The following PLAGL1 variants were observed in gnomAD, a reference collection of about 807,000 sequenced individuals.
PLAGL1 encodes the protein PLAG1 like zinc finger 1.
PLAGL1 carries 1 observed loss-of-function variant against 4.6 expected under a neutral mutation model. That is an observed-to-expected ratio of 0.22 (90% CI 0.08 to 1.03). The LOEUF is 1.03. Among genes scored for constraint, PLAGL1 ranks in the 50% least tolerant of loss-of-function variants. The pLI, the probability that PLAGL1 is intolerant of heterozygous loss-of-function variation, is 0.58. For missense variants in PLAGL1, 464 were observed against 570.4 expected (o/e 0.81, Z 1.90); for synonymous variants, 240 against 237.8 (o/e 1.01, Z -0.08).
rs1783092105 is a variant in PLAGL1 at position 143,960,222 on chromosome 6, G to A, written c.-325+247C>T. The stretch of plus-strand genomic sequence containing the variant: ...TAGGCTGTGGATGTGGGACAGCAGA[G>A]GTCATGAAAAGTTGCTAACTGCATC... On this transcript the variant is annotated intron_variant, in intron 6 of 7. Transcript: ENST00000674357. This position sits in a 1 kb window ranked among gnomAD's most constrained non-coding sequence, Gnocchi z 5.7. Among the ~76,000 whole-genome samples the A allele has an allele frequency of 2.6e-5, 4 of 152,164 alleles. No individual in the cohort carries two copies. Among genetic ancestry groups the A allele is most frequent in the African/African-American group, 7.2e-5 (3 of 41,410 alleles).
At chr6:143,977,083 T>TCCCCCCCCCCCCCCCCCCCC (rs55975019) in intron 2 of PLAGL1, among the ~76,000 whole-genome samples, 1 of 136,918 alleles carries the variant, frequency 7.3e-6, no homozygotes, top group Non-Finnish European at 1.6e-5. Context: ...TATACTCCCT[T>TCCCCCCCCCCCCCCCCCCCC]CCCCCCCCCC....
Position 144,059,069 on chromosome 6 carries a change from A to G in PLAGL1, c.-151+5399T>C, listed in dbSNP as rs931127701. On this transcript the variant is annotated intron_variant, in intron 1 of 3. Transcript: ENST00000437412. This position sits in a 1 kb window ranked among gnomAD's most constrained non-coding sequence, Gnocchi z 4.9. The stretch of plus-strand genomic sequence containing the variant: ...ACTAGAGTTTCTCTTCAGGGTCTCC[A>G]CCCCTACAGCAGGCTTCTGCCTGTA... 2.0e-5 allele frequency among the ~76,000 whole-genome samples: 3 copies of G among 151,926 alleles called. No individual in the cohort carries two copies. Among genetic ancestry groups the G allele is most frequent in the Non-Finnish European group, 2.9e-5 (2 of 67,990 alleles).
intron 1 of PLAGL1, among the ~76,000 whole-genome samples, chr6:143,993,033 G>A (rs1790818752): frequency 6.7e-6 from 1 of 149,954 alleles, no homozygotes; most frequent in African/African-American, 2.5e-5. Flanking sequence ...AAACGGCCGG[G>A]TGCGGTGGCT....
intron 1 of PLAGL1, among the ~76,000 whole-genome samples, chr6:144,014,888 T>C (rs535794298): frequency 3.3e-5 from 5 of 152,278 alleles, no homozygotes; most frequent in Non-Finnish European, 5.9e-5. Context: ...CCTAGATCTA[T>C]TGGTATTTTG....
In PLAGL1 at chr6:143,978,316, TACAAATTTTGAAGC is replaced by T. The variant is rs1305810629; in HGVS notation, c.-544+6805_-544+6818del. 6.6e-6 allele frequency among the ~76,000 whole-genome samples: 1 copy of T among 152,180 alleles called. No homozygotes were observed. The highest frequency in any genetic ancestry group is 2.4e-5 in the African/African-American group (1 of 41,448). Reference sequence around the variant, plus strand: ...TCTTTTCTAATACATCATTTAATGCTACAAATTTTGAAGCACTGTTTCAGCTGTATCCCACATGG... The same window carrying T: ...TCTTTTCTAATACATCATTTAATGCTACTGTTTCAGCTGTATCCCACATGG... On this transcript the variant is annotated intron_variant, in intron 2 of 7. Coordinates refer to ENST00000674357, the MANE Select transcript of PLAGL1 (RefSeq NM_001317162.2). This position sits in a 1 kb window ranked among gnomAD's most constrained non-coding sequence, Gnocchi z 4.6.
At position 143,972,273 on chromosome 6, in the gene PLAGL1, G is replaced by A. The variant is rs1785561226; in HGVS notation, c.-543-3295C>T. ...ACAGCTGCTTTACTTCCAGCTAAAA[G>A]AATACACCTAAATAAAGAGCTACAG... is the stretch of plus-strand genomic sequence containing the variant. On this transcript the variant is annotated intron_variant, in intron 2 of 7. Coordinates refer to ENST00000674357, the MANE Select transcript of PLAGL1 (RefSeq NM_001317162.2). This position sits in a 1 kb window ranked among gnomAD's most constrained non-coding sequence, Gnocchi z 6.8. Among the ~76,000 whole-genome samples the A allele has an allele frequency of 6.6e-6, 1 of 152,162 alleles. No individual in the cohort carries two copies. The highest frequency in any genetic ancestry group is 1.5e-5 in the Non-Finnish European group (1 of 68,032).
At position 144,055,731 on chromosome 6, in the gene PLAGL1, T is replaced by C. The variant is rs1179035989; in HGVS notation, c.-151+8737A>G. ...CCACAGTTGTCAGAGATATAAATCATAACTACAGGTGCCTTTAGGAAAGTG... is the reference window on the plus strand; with the variant it reads ...CCACAGTTGTCAGAGATATAAATCACAACTACAGGTGCCTTTAGGAAAGTG... On this transcript the variant is annotated intron_variant, in intron 1 of 3. Transcript: ENST00000437412. This position sits in a 1 kb window ranked among gnomAD's most constrained non-coding sequence, Gnocchi z 5.0. Among the ~76,000 whole-genome samples the C allele has an allele frequency of 6.6e-5, 10 of 152,198 alleles. No individual in the cohort carries two copies. The highest frequency in any genetic ancestry group is 2.2e-4 in the African/African-American group (9 of 41,454).
rs1792661729 is a variant in PLAGL1, at chr6:144,000,679, T to A, written c.-584+7411A>T. ...TAAAACTCATATGGAATGGGAAAGG[T>A]CTAAAATTGCCAAACAATTCAGCAG... On this transcript the variant is annotated intron_variant, in intron 1 of 7. Transcript: ENST00000674357. The surrounding 1 kb of genome is among the most constrained non-coding windows in gnomAD (Gnocchi z 4.1). Among the ~76,000 whole-genome samples the A allele has an allele frequency of 6.6e-6, 1 of 152,100 alleles. No individual in the cohort carries two copies. The highest frequency in any genetic ancestry group is 2.1e-4 in the South Asian group (1 of 4,828).
chr6:143,988,634 A>C (rs1476282670), intron 1 of PLAGL1, among the ~76,000 whole-genome samples: 1 of 152,260 alleles, frequency 6.6e-6, no homozygotes, highest in Non-Finnish European at 1.5e-5. Context: ...TGTAATAACA[A>C]AGTGCCATAG....
In PLAGL1 at chr6:143,970,170, T is replaced by G. The variant is rs1785157842; in HGVS notation, c.-543-1192A>C. ...GTGCCTTGACCAAAAAGGCTGCTGT[T>G]GTATGTGTTTTTAAAATAACGAAAC... On this transcript the variant is annotated intron_variant, in intron 2 of 7. Coordinates refer to ENST00000674357, the MANE Select transcript of PLAGL1 (RefSeq NM_001317162.2). The surrounding 1 kb of genome is among the most constrained non-coding windows in gnomAD (Gnocchi z 5.8). Among the ~76,000 whole-genome samples the G allele has an allele frequency of 2.0e-5, 3 of 152,202 alleles. No homozygotes were observed. The highest frequency in any genetic ancestry group is 3.2e-3 in the Middle Eastern group (1 of 316).
chr6:143,983,916 G>A lies in PLAGL1; in HGVS notation c.-544+1219C>T, dbSNP rs957389459. On this transcript the variant is annotated intron_variant, in intron 2 of 7. Coordinates refer to ENST00000674357, the MANE Select transcript of PLAGL1 (RefSeq NM_001317162.2). This position sits in a 1 kb window ranked among gnomAD's most constrained non-coding sequence, Gnocchi z 6.6. ...GGAAGACAAGGTCATTGAAGGAGAG[G>A]AAATCAAGAAACCGAGAAGCCAGGC... Among the ~76,000 whole-genome samples, 4 of 152,032 alleles carry A rather than the reference G, an allele frequency of 2.6e-5. No individual in the cohort carries two copies. Among genetic ancestry groups the A allele is most frequent in the Non-Finnish European group, 5.9e-5 (4 of 68,008 alleles).
intron 1 of PLAGL1, among the ~76,000 whole-genome samples, chr6:144,024,272 G>A (rs1296819636): frequency 6.6e-6 from 1 of 152,142 alleles, no homozygotes; most frequent in Admixed American, 6.5e-5. Context: ...CATGCCCCTT[G>A]GAGAAAGCAT....
rs1308034651 is a variant in PLAGL1, at chr6:144,004,601, T to C, written c.-584+3489A>G. The stretch of plus-strand genomic sequence containing the variant: ...TGGGGGAAGCGAGTGGCTCCATTGA[T>C]AGGAAGGGGCAGAAGGAATGAAAAT... On this transcript the variant is annotated intron_variant, in intron 1 of 7. Coordinates refer to ENST00000674357, the MANE Select transcript of PLAGL1 (RefSeq NM_001317162.2). This position sits in a 1 kb window ranked among gnomAD's most constrained non-coding sequence, Gnocchi z 4.2. 6.6e-6 allele frequency among the ~76,000 whole-genome samples: 1 copy of C among 152,132 alleles called. No homozygotes were observed. Among genetic ancestry groups the C allele is most frequent in the African/African-American group, 2.4e-5 (1 of 41,434 alleles).
Position 143,964,463 on chromosome 6 carries a change from G to A in PLAGL1, c.-399+324C>T, listed in dbSNP as rs1371118148. 6.6e-6 allele frequency among the ~76,000 whole-genome samples: 1 copy of A among 152,154 alleles called. No individual in the cohort carries two copies. The highest frequency in any genetic ancestry group is 1.5e-5 in the Non-Finnish European group (1 of 68,026). Reference sequence around the variant, plus strand: ...GGGACTGGAGTCCGTTTTCATTATGGGGAATGAAAACAGTAATGCTTCTTG... The same window carrying A: ...GGGACTGGAGTCCGTTTTCATTATGAGGAATGAAAACAGTAATGCTTCTTG... On this transcript the variant is annotated intron_variant, in intron 5 of 7. Coordinates refer to ENST00000674357, the MANE Select transcript of PLAGL1 (RefSeq NM_001317162.2). This position sits in a 1 kb window ranked among gnomAD's most constrained non-coding sequence, Gnocchi z 4.3.
chr6:143,988,653 G>A (rs1789735241), intron 1 of PLAGL1, among the ~76,000 whole-genome samples: 1 of 152,190 alleles, frequency 6.6e-6, no homozygotes, highest in Non-Finnish European at 1.5e-5. Flanking sequence ...AGACTGGATG[G>A]CTGACACATT....
In PLAGL1 at chr6:143,946,351, C is replaced by T. The variant is rs79882331; in HGVS notation, c.152+1634G>A. ...TCTTTATCTGCAGTTTTAGTGTCCT[C>T]ACTGTGACTCAGTTGCAGCCAGCGC... On this transcript the variant is annotated intron_variant, in intron 7 of 7. Coordinates refer to ENST00000674357, the MANE Select transcript of PLAGL1 (RefSeq NM_001317162.2). 7.0e-3 allele frequency among the ~76,000 whole-genome samples: 1,068 copies of T among 152,282 alleles called. 16 individuals carry two copies. The highest frequency in any genetic ancestry group is 0.024 in the African/African-American group (1,008 of 41,544).
chr6:144,054,099 T>G (rs1798768490), intron 1 of PLAGL1, among the ~76,000 whole-genome samples: 1 of 152,218 alleles, frequency 6.6e-6, no homozygotes, highest in African/African-American at 2.4e-5. Context: ...AATTATAAAG[T>G]CTCATTCTAT....
In PLAGL1 at chr6:143,966,081, C is replaced by T. The variant is rs9373409; in HGVS notation, c.-431+77G>A. On this transcript the variant is annotated intron_variant, in intron 4 of 7. Transcript: ENST00000674357. This position sits in a 1 kb window ranked among gnomAD's most constrained non-coding sequence, Gnocchi z 6.0. ...ATTGGTTCCCCAGTCTGTTTTTGGACGGTTCCCCTTCATTCTAATCACAAT... is the reference window on the plus strand; with the variant it reads ...ATTGGTTCCCCAGTCTGTTTTTGGATGGTTCCCCTTCATTCTAATCACAAT... 0.36 allele frequency: 54,534 copies of T among 152,052 alleles called. 10,187 individuals carry two copies. The highest frequency in any genetic ancestry group is 0.43 in the Non-Finnish European group (29,259 of 67,982). The allele number at this position is 152,052 out of a possible 1,614,324, so 9.4% of individuals were successfully genotyped here.
In PLAGL1 at chr6:144,064,155, A is replaced by C. The variant is rs962911022; in HGVS notation, c.-151+313T>G. 3.8e-4 allele frequency among the ~76,000 whole-genome samples: 57 copies of C among 151,490 alleles called. 1 individual carries two copies. The highest frequency in any genetic ancestry group is 2.4e-5 in the African/African-American group (1 of 41,194). ...GTGGCGGCTGTTCAGCTCCCACGTC[A>C]CCCGGCCCGCCCTCCGCCCAGCGCA... On this transcript the variant is annotated intron_variant, in intron 1 of 3. Transcript: ENST00000437412. The surrounding 1 kb of genome is among the most constrained non-coding windows in gnomAD (Gnocchi z 6.8).
Sources: gnomAD v4.1 joint callset for allele counts (sites outside exome capture counted in the v4.1 genomes callset) on GRCh38, gnomAD v4.1.1 for gene constraint, Gnocchi (gnomAD v3.1) non-coding constraint, MANE v1.5 for transcripts, NCBI Gene and HGNC (gene_info 2026-07-23, HGNC 2026-07-21) for gene names.